Variants in TENM3 observed in about 807,000 individuals in gnomAD.
TENM3 encodes teneurin transmembrane protein 3.
In TENM3, 63 loss-of-function variants were observed where a neutral mutation model predicts 255.1. The ratio of observed to expected loss-of-function variants is 0.25; its 90% CI spans 0.20 to 0.30. The LOEUF is 0.30. TENM3 is among the 10% of genes least tolerant of loss of function. The pLI, the probability that TENM3 is intolerant of heterozygous loss-of-function variation, is 1.00. For missense variants in TENM3, 2,929 were observed against 3,461.1 expected (o/e 0.85, Z 3.86); for synonymous variants, 1,306 against 1,322.3 (o/e 0.99, Z 0.27).
intron 1 of TENM3, among the ~76,000 whole-genome samples, chr4:182,221,566 C>A (rs1755853017): frequency 6.6e-6 from 1 of 152,138 alleles, no homozygotes; most frequent in Non-Finnish European, 1.5e-5. Flanking sequence ...TAAATGTAGT[C>A]TTGTATAATT....
chr4:181,652,927 C>T, the TENM3 span, among the ~76,000 whole-genome samples: 2 of 152,150 alleles, frequency 1.3e-5, no homozygotes, highest in South Asian at 2.1e-4. Context: ...AAATTCTTCT[C>T]TTTTGTGAAA....
At chr4:182,720,133 A>C (rs988415925) in intron 13 of TENM3, among the ~76,000 whole-genome samples, 1 of 152,178 alleles carries the variant, frequency 6.6e-6, no homozygotes, top group African/African-American at 2.4e-5. Flanking sequence ...AGGGGAGTGA[A>C]GGATTGAAAA....
the TENM3 span, among the ~76,000 whole-genome samples, chr4:181,553,288 TGTGTGTGTGTA>T: frequency 1.9e-4 from 22 of 118,066 alleles, no homozygotes; most frequent in African/African-American, 7.3e-4. Flanking sequence ...TGTGTGTGTG[TGTGTGTGTGTA>T]GTGTGTGTGT....
At chr4:182,663,626 C>A (rs1272138903) in intron 6 of TENM3, among the ~76,000 whole-genome samples, 2 of 152,062 alleles carry the variant, frequency 1.3e-5, no homozygotes, top group Non-Finnish European at 2.9e-5. Context: ...CATTTCTAAT[C>A]CTGTTTTCCT....
the TENM3 span, among the ~76,000 whole-genome samples, chr4:181,736,985 A>C: frequency 8.3e-4 from 127 of 152,250 alleles, no homozygotes; most frequent in African/African-American, 2.9e-3. Flanking sequence ...GACCAAGTCG[A>C]GTATCTAATA....
At chr4:182,688,600 C>T (rs1012417583) in intron 12 of TENM3, among the ~76,000 whole-genome samples, 1 of 152,140 alleles carries the variant, frequency 6.6e-6, no homozygotes, top group African/African-American at 2.4e-5. Flanking sequence ...CAAAAATGGA[C>T]TCACATAAAA....
intron 24 of TENM3, among the ~76,000 whole-genome samples, chr4:182,777,969 G>A (rs183765015): frequency 7.2e-4 from 109 of 152,042 alleles, no homozygotes; most frequent in African/African-American, 2.3e-3. Context: ...TACATTAGGG[G>A]ACAGGCTGGA....
chr4:182,216,299 A>T (rs1457390243), intron 1 of TENM3, among the ~76,000 whole-genome samples: 1 of 152,250 alleles, frequency 6.6e-6, no homozygotes, highest in East Asian at 1.9e-4. Context: ...TGTGTGAAAG[A>T]TACCTAGGTG....
At chr4:182,284,998 T>C (rs1760642157) in intron 1 of TENM3, among the ~76,000 whole-genome samples, 1 of 152,010 alleles carries the variant, frequency 6.6e-6, no homozygotes, top group Non-Finnish European at 1.5e-5. Context: ...ATATTTAGCA[T>C]ATATATATAT....
At chr4:181,542,268 C>G in the TENM3 span, among the ~76,000 whole-genome samples, 1 of 152,114 alleles carries the variant, frequency 6.6e-6, no homozygotes, top group African/African-American at 2.4e-5. Context: ...AGTGGGGACT[C>G]CGTTGATCTG....
chr4:181,576,472 T>C, the TENM3 span, among the ~76,000 whole-genome samples: 1 of 152,200 alleles, frequency 6.6e-6, no homozygotes, highest in African/African-American at 2.4e-5. Flanking sequence ...CATGTGGTTC[T>C]ATTTCTAGTC....
intron 3 of TENM3, among the ~76,000 whole-genome samples, chr4:182,594,699 T>G (rs1249973316): frequency 8.4e-6 from 1 of 119,496 alleles, no homozygotes; most frequent in African/African-American, 2.7e-5. Flanking sequence ...TGTGTGTGTG[T>G]GTGTGTGTGT....
chr4:181,647,095 C>T, the TENM3 span, among the ~76,000 whole-genome samples: 4 of 152,096 alleles, frequency 2.6e-5, no homozygotes, highest in African/African-American at 9.7e-5. Context: ...TATTAAGTAA[C>T]AATATTTGCT....
At chr4:182,775,992 G>T (rs971509854) in intron 24 of TENM3, among the ~76,000 whole-genome samples, 33 of 151,836 alleles carry the variant, frequency 2.2e-4, no homozygotes, top group African/African-American at 6.8e-4. Flanking sequence ...TATATATATA[G>T]ATAGATAGGA....
At chr4:182,495,891 G>A (rs538824267) in intron 3 of TENM3, among the ~76,000 whole-genome samples, 1 of 152,138 alleles carries the variant, frequency 6.6e-6, no homozygotes. Flanking sequence ...AAACTCAGGG[G>A]TTAGCTGCTT....
chr4:181,856,120 G>GGAAA, the TENM3 span, among the ~76,000 whole-genome samples: 14 of 137,244 alleles, frequency 1.0e-4, no homozygotes, highest in Non-Finnish European at 1.7e-4. Flanking sequence ...AAAGGAAGAA[G>GGAAA]GAAGGAAAGA....
At chr4:182,650,889 A>AAATATAT (rs1281790163) in intron 5 of TENM3, among the ~76,000 whole-genome samples, 3 of 29,770 alleles carry the variant, frequency 1.0e-4, no homozygotes, top group Admixed American at 3.6e-4. Context: ...AATAAAAAAA[A>AAATATAT]ATATATATAT....
At chr4:182,178,535 G>A (rs1482343547) in intron 1 of TENM3, among the ~76,000 whole-genome samples, 1 of 152,092 alleles carries the variant, frequency 6.6e-6, no homozygotes, top group African/African-American at 2.4e-5. Flanking sequence ...TGTCTTGCAT[G>A]TTCAGGGATT....
At chr4:182,030,000 C>T in the TENM3 span, among the ~76,000 whole-genome samples, 7 of 83,440 alleles carry the variant, frequency 8.4e-5, no homozygotes, top group African/African-American at 1.9e-4. Flanking sequence ...CATCTCTCTC[C>T]TTTTTTTCTT....
Sources: allele counts gnomAD v4.1 joint callset (sites outside exome capture counted in the v4.1 genomes callset), GRCh38; gene constraint gnomAD v4.1.1; transcripts MANE v1.5; gene names NCBI Gene and HGNC (gene_info 2026-07-23, HGNC 2026-07-21).